Variants in LZIC observed in about 807,000 individuals in gnomAD.
LZIC encodes the protein leucine zipper and CTNNBIP1 domain containing.
Under a neutral mutation model 25.4 loss-of-function variants are expected in LZIC, and 28 were observed. That is an observed-to-expected ratio of 1.10 (90% CI 0.82 to 1.51). LZIC has a LOEUF of 1.51. Among genes scored for constraint, LZIC ranks in the 40% most tolerant of loss-of-function variants. LZIC has a pLI of 0.00. For missense variants in LZIC, 170 were observed against 211.1 expected (o/e 0.81, Z 1.21); for synonymous variants, 65 against 70.7 (o/e 0.92, Z 0.40).
At chr1:9,933,283 AATATAT>A (rs772364108) in intron 5 of LZIC, among the ~76,000 whole-genome samples, 1 of 58,362 alleles carries the variant, frequency 1.7e-5, no homozygotes, top group African/African-American at 5.7e-5. Flanking sequence ...AAAAAAAAAA[AATATAT>A]ATATATATAT....
At chr1:9,932,413 T>C (rs1350697758) in intron 6 of LZIC, among the ~76,000 whole-genome samples, 7 of 150,584 alleles carry the variant, frequency 4.6e-5, no homozygotes, top group Non-Finnish European at 1.0e-4. Flanking sequence ...CCCAGCTCTT[T>C]GGGAGGCCGA....
At position 9,926,816 on chromosome 1, in the gene LZIC, G is replaced by C. The variant is rs1394579890; in HGVS notation, c.*3583C>G. ...ATCTCCAAAGATATCTGAACACCTA[G>C]AAGATTAAATGTAGCAAGAAGTGGA... On this transcript the variant is annotated 3_prime_UTR_variant, in exon 8 of 8. Transcript: ENST00000377223. Among the ~76,000 whole-genome samples, 1 of 152,160 alleles carries C rather than the reference G, an allele frequency of 6.6e-6. No individual in the cohort carries two copies. Among genetic ancestry groups the C allele is most frequent in the Non-Finnish European group, 1.5e-5 (1 of 68,024 alleles).
chr1:9,931,038 A>G (rs1033627245), intron 7 of LZIC, among the ~76,000 whole-genome samples: 3 of 150,252 alleles, frequency 2.0e-5, no homozygotes, highest in Admixed American at 6.6e-5. Context: ...ATTTTAAAAC[A>G]TTTCTGTGAA....
At position 9,926,911 on chromosome 1, in the gene LZIC, A is replaced by G. The variant is rs535518161; in HGVS notation, c.*3488T>C. 6.6e-6 allele frequency among the ~76,000 whole-genome samples: 1 copy of G among 152,370 alleles called. No individual in the cohort carries two copies. Among genetic ancestry groups the G allele is most frequent in the Admixed American group, 6.5e-5 (1 of 15,298 alleles). ...GAATTTACTCACTTTTCAAATACTT[A>G]TTCTGAATGAATACCAAATTTGTGA... On this transcript the variant is annotated 3_prime_UTR_variant, in exon 8 of 8. Transcript: ENST00000377223.
Position 9,942,739 on chromosome 1 carries a change from G to A in LZIC, c.-124C>T. On this transcript the variant is annotated 5_prime_UTR_variant, in exon 2 of 8. Coordinates refer to ENST00000377223, the MANE Select transcript of LZIC (RefSeq NM_032368.5). ...TGAGGAAAATGAAATTATTCATCAG[G>A]ACTACAAAAGGCTCAAAGTTCAAAC... 7.9e-7 allele frequency: 1 copy of A among 1,263,246 alleles called. No homozygotes were observed. Among genetic ancestry groups the A allele is most frequent in the Non-Finnish European group, 1.0e-6 (1 of 964,948 alleles). 78.3% of individuals were successfully genotyped at this position (1,263,246 alleles called of 1,614,324 possible). A position where few individuals can be genotyped will look rare whatever the true frequency, so the allele number is the denominator to read the frequency against.
At chr1:9,932,019 G>A (rs764661519) in intron 6 of LZIC, 47 bp from the exon 7 acceptor site, 8 of 1,402,302 alleles carry the variant, frequency 5.7e-6, no homozygotes, top group South Asian at 1.2e-5. Flanking sequence ...AATGTTACAG[G>A]TGGTTCTAGA....
At position 9,930,148 on chromosome 1, in the gene LZIC, A is replaced by G. The variant is rs1640146999; in HGVS notation, c.*251T>C. The G allele has an allele frequency of 2.4e-6, 3 of 1,240,888 alleles. No individual in the cohort carries two copies. Among genetic ancestry groups the G allele is most frequent in the Non-Finnish European group, 3.0e-6 (3 of 985,446 alleles). 76.9% of individuals were successfully genotyped at this position (1,240,888 alleles called of 1,614,324 possible). A position where few individuals can be genotyped will look rare whatever the true frequency, so the allele number is the denominator to read the frequency against. Reference sequence around the variant, plus strand: ...TTTGTTTTCTCTCTTAAACAGACAAATCATAACGAACAGAGTCCAGTGAGT... The same window carrying G: ...TTTGTTTTCTCTCTTAAACAGACAAGTCATAACGAACAGAGTCCAGTGAGT... On this transcript the variant is annotated 3_prime_UTR_variant, in exon 8 of 8. Transcript: ENST00000377223.
intron 2 of LZIC, among the ~76,000 whole-genome samples, chr1:9,938,720 G>A (rs917232827): frequency 1.3e-5 from 2 of 151,972 alleles, no homozygotes; most frequent in Non-Finnish European, 2.9e-5. Flanking sequence ...TTTTTGTCAT[G>A]GCAAATTATT....
Position 9,928,393 on chromosome 1 carries a change from C to T in LZIC, c.*2006G>A, listed in dbSNP as rs566869560. On this transcript the variant is annotated 3_prime_UTR_variant, in exon 8 of 8. Coordinates refer to ENST00000377223, the MANE Select transcript of LZIC (RefSeq NM_032368.5). ...GGTGTACACCCAAAAAAATTGAAAA[C>T]AGGTATTCAAACAAATATTTGTACA... is the stretch of plus-strand genomic sequence containing the variant. Among the ~76,000 whole-genome samples the T allele has an allele frequency of 3.0e-4, 45 of 152,184 alleles. No homozygotes were observed. Among genetic ancestry groups the T allele is most frequent in the African/African-American group, 1.0e-3 (42 of 41,530 alleles).
In LZIC at chr1:9,926,683, T is replaced by C. The variant is rs1639996231; in HGVS notation, c.*3716A>G. On this transcript the variant is annotated 3_prime_UTR_variant, in exon 8 of 8. Coordinates refer to ENST00000377223, the MANE Select transcript of LZIC (RefSeq NM_032368.5). ...ACACTTGCTCATTGGAACTTATTTC[T>C]GCTTCAGCTCTAGTTCTTTGAGAAA... Among the ~76,000 whole-genome samples, 2 of 152,252 alleles carry C rather than the reference T, an allele frequency of 1.3e-5. No homozygotes were observed. The highest frequency in any genetic ancestry group is 6.5e-5 in the Admixed American group (1 of 15,278).
intron 2 of LZIC, among the ~76,000 whole-genome samples, chr1:9,938,862 T>C (rs1331327909): frequency 6.6e-6 from 1 of 152,232 alleles, no homozygotes; most frequent in Non-Finnish European, 1.5e-5. Context: ...GTTTTCTAGC[T>C]GCAGACAAAA....
At chr1:9,939,368 T>TCC (rs1553122739) in intron 2 of LZIC, among the ~76,000 whole-genome samples, 1 of 50,844 alleles carries the variant, frequency 2.0e-5, no homozygotes, top group East Asian at 4.6e-4. Flanking sequence ...GGCTTTTTTT[T>TCC]TTTTCTTTTT....
At chr1:9,922,394 C>T, downstream of LZIC, 4 of 796,838 alleles carry the variant, frequency 5.0e-6, no homozygotes, top group Non-Finnish European at 6.1e-6. Context: ...TAGCTGACTT[C>T]AAGTGGAGGC....
intron 4 of LZIC, 77 bp downstream of exon 4, chr1:9,935,415 A>G (rs1640410693): frequency 6.8e-7 from 1 of 1,465,620 alleles, no homozygotes. Flanking sequence ...GCGACAGAGT[A>G]AGAATGCATC....
rs1451040824 is a variant in LZIC at position 9,935,549 on chromosome 1, T to C, written c.180A>G (p.Leu60=). 1.2e-6 allele frequency: 2 copies of C among 1,612,614 alleles called. No individual in the cohort carries two copies. The highest frequency in any genetic ancestry group is 1.3e-5 in the African/African-American group (1 of 74,984). Residue 60 remains leucine, a synonymous_variant, in exon 4 of 8, where the codon CTA becomes CTG. Transcript: ENST00000377223. The part of the protein sequence containing the change: ...LEQLSEFNDS[L]KKIMSGNMTL... Reference sequence around the variant, plus strand: ...TCATATTTCCAGACATAATTTTCTTTAGTGAATCATTAAATTCACTTAGTT... The same window carrying C: ...TCATATTTCCAGACATAATTTTCTTCAGTGAATCATTAAATTCACTTAGTT...
Position 9,926,591 on chromosome 1 carries a change from A to C in LZIC, c.*3808T>G, listed in dbSNP as rs952040393. On this transcript the variant is annotated 3_prime_UTR_variant, in exon 8 of 8. Coordinates refer to ENST00000377223, the MANE Select transcript of LZIC (RefSeq NM_032368.5). ...CTTACTGCTCACAAGATCAAAAGAA[A>C]ACAGAACAAAACATTGAAACATCAG... 6.6e-6 allele frequency among the ~76,000 whole-genome samples: 1 copy of C among 152,250 alleles called. No individual in the cohort carries two copies. Among genetic ancestry groups the C allele is most frequent in the Non-Finnish European group, 1.5e-5 (1 of 68,044 alleles).
intron 4 of LZIC, 26 bp downstream of exon 4, chr1:9,935,466 C>A: frequency 6.4e-7 from 1 of 1,570,410 alleles, no homozygotes; most frequent in Non-Finnish European, 8.6e-7. Context: ...AAAGTCTGTC[C>A]TCTGTCGCCT....
chr1:9,930,536 A>G (rs1640164153), intron 7 of LZIC, 79 bp from the exon 8 acceptor site: 6 of 1,576,250 alleles, frequency 3.8e-6, no homozygotes, highest in Non-Finnish European at 2.6e-6. Flanking sequence ...GAAAAAATCT[A>G]TCATATAGAT....
At chr1:9,940,201 G>A (rs935251485) in intron 2 of LZIC, among the ~76,000 whole-genome samples, 1 of 151,874 alleles carries the variant, frequency 6.6e-6, no homozygotes, top group African/African-American at 2.4e-5. Context: ...TTTTGAGACA[G>A]AGTCTTGCTC....
Sources: allele counts gnomAD v4.1 joint callset (sites outside exome capture counted in the v4.1 genomes callset), GRCh38; gene constraint gnomAD v4.1.1; transcripts MANE v1.5; gene names NCBI Gene and HGNC (gene_info 2026-07-23, HGNC 2026-07-21).